The following COA1 variants were observed in gnomAD, a reference collection of about 807,000 sequenced individuals.
COA1 encodes the protein cytochrome c oxidase assembly factor 1 homolog.
In COA1, 13 loss-of-function variants were observed where a neutral mutation model predicts 16.0. The ratio of observed to expected loss-of-function variants is 0.81; its 90% confidence interval spans 0.53 to 1.29. The LOEUF (loss-of-function observed/expected upper bound fraction) is 1.29. Ranked by LOEUF, COA1 falls within the 50% of genes most tolerant of loss-of-function variation. The probability of loss-of-function intolerance (pLI) is 0.00; values close to 1 mark genes in which losing one functional copy is unlikely to be tolerated. For synonymous variants in COA1, 65 were observed against 65.7 expected (o/e 0.99, Z 0.05); for missense variants, 179 against 177.0 (o/e 1.01, Z -0.06).
chr7:43,680,275 C>T (rs1172704591), intron 1 of COA1, among the ~76,000 whole-genome samples: 2 of 97,338 alleles, frequency 2.1e-5, no homozygotes, highest in African/African-American at 8.3e-5. Context: ...GAATTTGGGA[C>T]AGGGAGACAA....
At chr7:43,608,575 G>GCA in exon 7 of COA1, 1 of 631,592 alleles carries the variant, frequency 1.6e-6, no homozygotes, top group Non-Finnish European at 2.6e-6. Context: ...GGGAGATAAT[G>GCA]CACACATGTG....
downstream of COA1, among the ~76,000 whole-genome samples, chr7:43,637,610 C>G (rs2086119597): frequency 6.6e-6 from 1 of 152,168 alleles, no homozygotes; most frequent in South Asian, 2.1e-4. Context: ...CACTGCTATC[C>G]TCAAAGAACA....
At chr7:43,698,103 A>C (rs1198996957) in intron 1 of COA1, among the ~76,000 whole-genome samples, 1 of 152,246 alleles carries the variant, frequency 6.6e-6, no homozygotes, top group East Asian at 1.9e-4. Context: ...TAATTAGATT[A>C]ATACAGGATG....
intron 6 of COA1, chr7:43,631,076 C>G (rs1330932774): frequency 6.6e-6 from 1 of 151,426 alleles, no homozygotes; most frequent in Middle Eastern, 3.2e-3. Flanking sequence ...TAAATGTTTC[C>G]TTTCTGGTTC....
Position 43,624,454 on chromosome 7 carries a change from C to A in COA1, c.*134-14959G>T, listed in dbSNP as rs995808337. 65 of 1,475,396 alleles carry A rather than the reference C, an allele frequency of 4.4e-5. No homozygotes were observed. In the Middle Eastern group the frequency reaches 5.4e-4, roughly 12 times the overall value. The allele number at this position is 1,475,396 out of a possible 1,614,324, so 91.4% of individuals were successfully genotyped here. On this transcript the variant is annotated intron_variant and NMD_transcript_variant, in intron 6 of 6. Transcript: ENST00000415076. Reference sequence around the variant, plus strand: ...AAAATATAATGCAATAAATACAGTACCTTATGCTCTAATTTTAATTGAAGT... The same window carrying A: ...AAAATATAATGCAATAAATACAGTAACTTATGCTCTAATTTTAATTGAAGT...
chr7:43,691,327 A>AAGAAAGAG (rs1554542189), intron 1 of COA1, among the ~76,000 whole-genome samples: 91 of 90,456 alleles, frequency 1.0e-3, no homozygotes, highest in Non-Finnish European at 1.5e-3. Context: ...GAAAGAAAGA[A>AAGAAAGAG]AGAGAAAGAG....
At chr7:43,638,238 T>TTC (rs1159822508), downstream of COA1, among the ~76,000 whole-genome samples, 10 of 152,128 alleles carry the variant, frequency 6.6e-5, no homozygotes, top group East Asian at 1.9e-3. Context: ...TTTTTTTTTT[T>TTC]TTCCTGAGAG....
At chr7:43,635,341 G>C (rs1281335884), downstream of COA1, among the ~76,000 whole-genome samples, 1 of 152,110 alleles carries the variant, frequency 6.6e-6, no homozygotes, top group East Asian at 1.9e-4. Flanking sequence ...GTTAACAGCA[G>C]GGTGCACTAG....
At chr7:43,651,413 A>C (rs867207350) in intron 1 of COA1, among the ~76,000 whole-genome samples, 48 of 152,304 alleles carry the variant, frequency 3.2e-4, no homozygotes, top group African/African-American at 1.1e-3. Context: ...TGGCCTCCAA[A>C]GGCAAATAGT....
At chr7:43,624,540 T>A (rs759301453) in intron 6 of COA1, 7 of 1,612,826 alleles carry the variant, frequency 4.3e-6, no homozygotes, top group Non-Finnish European at 5.9e-6. Context: ...TGCTGAAGAA[T>A]GTCTAAAGCA....
intron 6 of COA1, among the ~76,000 whole-genome samples, chr7:43,628,711 C>A (rs576040647): frequency 6.6e-6 from 1 of 152,104 alleles, no homozygotes; most frequent in Non-Finnish European, 1.5e-5. Flanking sequence ...ATGGACAGTA[C>A]TTTTCATGTC....
chr7:43,630,502 T>A (rs903643445), intron 6 of COA1, among the ~76,000 whole-genome samples: 1 of 152,158 alleles, frequency 6.6e-6, no homozygotes, highest in African/African-American at 2.4e-5. Flanking sequence ...GATAAAGTAT[T>A]TGGGAAGAGA....
chr7:43,615,178 G>T (rs2152992235), intron 6 of COA1, among the ~76,000 whole-genome samples: 1 of 151,822 alleles, frequency 6.6e-6, no homozygotes, highest in Admixed American at 6.6e-5. Context: ...TTTGTTTTTT[G>T]TTTGTTTGTT....
intron 1 of COA1, among the ~76,000 whole-genome samples, chr7:43,662,362 T>C (rs920503274): frequency 6.6e-6 from 1 of 152,226 alleles, no homozygotes; most frequent in African/African-American, 2.4e-5. Context: ...CCCAAATAGC[T>C]GGGACTACAG....
intron 1 of COA1, among the ~76,000 whole-genome samples, chr7:43,660,008 A>C (rs2092267906): frequency 6.6e-6 from 1 of 152,226 alleles, no homozygotes; most frequent in African/African-American, 2.4e-5. Flanking sequence ...GGCATCTACA[A>C]GCCAAGGCAA....
At chr7:43,708,792 G>T (rs1391259430) in intron 1 of COA1, among the ~76,000 whole-genome samples, 4 of 151,340 alleles carry the variant, frequency 2.6e-5, no homozygotes, top group African/African-American at 9.7e-5. Flanking sequence ...TCACTGATTT[G>T]TAGTCCTTCC....
chr7:43,715,894 G>A (rs1048526760), intron 1 of COA1, among the ~76,000 whole-genome samples: 1 of 152,140 alleles, frequency 6.6e-6, no homozygotes, highest in Admixed American at 6.5e-5. Flanking sequence ...GCAGTTTTCC[G>A]ATAGTGAATA....
intron 1 of COA1, among the ~76,000 whole-genome samples, chr7:43,687,271 T>C (rs1297662127): frequency 6.6e-6 from 1 of 152,166 alleles, no homozygotes; most frequent in Non-Finnish European, 1.5e-5. Context: ...GAAGACATTT[T>C]TTAAAAGGCA....
intron 1 of COA1, among the ~76,000 whole-genome samples, chr7:43,726,703 G>A (rs935939262): frequency 1.3e-5 from 2 of 152,152 alleles, no homozygotes; most frequent in East Asian, 3.8e-4. Flanking sequence ...ATACCCATAA[G>A]GAGGTCTCCA....
Sources: gnomAD v4.1 joint callset for allele counts (sites outside exome capture counted in the v4.1 genomes callset) on GRCh38, gnomAD v4.1.1 for gene constraint, MANE v1.5 for transcripts, NCBI Gene and HGNC (gene_info 2026-07-23, HGNC 2026-07-21) for gene names.